Variants in FNTB observed in about 807,000 individuals in gnomAD.
The protein encoded by FNTB is farnesyltransferase, CAAX box, subunit beta, also known as protein farnesyltransferase subunit beta.
FNTB carries 27 observed loss-of-function variants against 59.4 expected under a neutral mutation model. The observed-to-expected ratio is 0.45, with a 90% confidence interval of 0.34 to 0.63. The LOEUF (loss-of-function observed/expected upper bound fraction) is 0.63. Ranked by LOEUF, FNTB falls within the 20% of genes least tolerant of loss-of-function variation. The pLI is 0.02. For missense variants in FNTB, 449 were observed against 559.6 expected (o/e 0.80, Z 1.99); for synonymous variants, 230 against 220.7 (o/e 1.04, Z -0.37).
intron 4 of FNTB, chr14:65,022,227 A>G: frequency 5.4e-6 from 2 of 367,070 alleles, no homozygotes; most frequent in East Asian, 1.5e-4. Context: ...ATCCCCTCCT[A>G]AGCCGTTCTG....
In FNTB at chr14:65,027,736, C is replaced by T. The variant is rs370588586; in HGVS notation, c.560C>T (p.Pro187Leu). ...LLQYLYSLKQ[P>L]DGSFLMHVGG... ...CAGTATTTGTACTCCCTGAAGCAACCTGACGGCTCCTTTCTCATGCATGTC... is the reference window on the plus strand; with the variant it reads ...CAGTATTTGTACTCCCTGAAGCAACTTGACGGCTCCTTTCTCATGCATGTC... The change falls in exon 6 of 12, where the codon CCT becomes CTT. Residue 187 changes from proline to leucine, a missense_variant. Physicochemically the swap from Pro to Leu is moderately conservative, Grantham distance 98. Transcript: ENST00000246166. This position sits in a 1 kb window ranked among gnomAD's most constrained non-coding sequence, Gnocchi z 5.7. 3.1e-6 allele frequency: 5 copies of T among 1,614,194 alleles called. No homozygotes were observed. The highest frequency in any genetic ancestry group is 4.2e-6 in the Non-Finnish European group (5 of 1,180,040).
chr14:65,057,753 ATGT>A (rs1329774145), intron 11 of FNTB, among the ~76,000 whole-genome samples: 1 of 152,208 alleles, frequency 6.6e-6, no homozygotes, highest in Non-Finnish European at 1.5e-5. Context: ...CTTGGATATA[ATGT>A]TATCTTTTTT....
Position 65,023,288 on chromosome 14 carries a change from A to T in FNTB, c.375-4165A>T, listed in dbSNP as rs1198271371. On this transcript the variant is annotated intron_variant, in intron 4 of 11. Coordinates refer to ENST00000246166, the MANE Select transcript of FNTB (RefSeq NM_002028.4). This position sits in a 1 kb window ranked among gnomAD's most constrained non-coding sequence, Gnocchi z 4.1. Reference sequence around the variant, plus strand: ...TGCCCAGGCTGGCCTTGAACTCCTGAGCTCAAGTGATCCCCCTCACCTCAG... The same window carrying T: ...TGCCCAGGCTGGCCTTGAACTCCTGTGCTCAAGTGATCCCCCTCACCTCAG... Among the ~76,000 whole-genome samples, 1 of 152,056 alleles carries T rather than the reference A, an allele frequency of 6.6e-6. No individual in the cohort carries two copies. Among genetic ancestry groups the T allele is most frequent in the East Asian group, 1.9e-4 (1 of 5,188 alleles).
At chr14:65,037,597 TA>T (rs1266278819) in intron 7 of FNTB, among the ~76,000 whole-genome samples, 5 of 149,180 alleles carry the variant, frequency 3.4e-5, no homozygotes, top group Admixed American at 2.0e-4. Flanking sequence ...GCTAATTTTT[TA>T]AATTTTTGTA....
rs1888265122 is a variant in FNTB at position 64,993,079 on chromosome 14, T to C, written c.144+5982T>C. On this transcript the variant is annotated intron_variant, in intron 1 of 11. Coordinates refer to ENST00000246166, the MANE Select transcript of FNTB (RefSeq NM_002028.4). ...CCCGAACTCGAGCTATCCGCCCACC[T>C]TGGACTCCCAAAGTACAGGCATGAG... Among the ~76,000 whole-genome samples, 4 of 152,196 alleles carry C rather than the reference T, an allele frequency of 2.6e-5. No individual in the cohort carries two copies. In the South Asian group the frequency reaches 8.3e-4, roughly 32 times the overall value.
At chr14:65,053,683 C>T (rs1418060414) in intron 10 of FNTB, among the ~76,000 whole-genome samples, 2 of 151,668 alleles carry the variant, frequency 1.3e-5, no homozygotes, top group African/African-American at 2.4e-5. Flanking sequence ...TTTAAAACCC[C>T]TCAGTGTTGT....
At chr14:65,033,449 TAAC>T (rs2062124951) in intron 7 of FNTB, among the ~76,000 whole-genome samples, 1 of 152,242 alleles carries the variant, frequency 6.6e-6, no homozygotes, top group African/African-American at 2.4e-5. Flanking sequence ...CTGTAATAGT[TAAC>T]AACAACAAAG....
At chr14:64,989,379 A>C (rs1360154146) in intron 1 of FNTB, among the ~76,000 whole-genome samples, 3 of 151,720 alleles carry the variant, frequency 2.0e-5, no homozygotes, top group African/African-American at 7.3e-5. Context: ...TCAGAAGTTC[A>C]CAGATGAGCC....
chr14:65,020,963 C>T (rs1205927667), intron 4 of FNTB, among the ~76,000 whole-genome samples: 1 of 152,098 alleles, frequency 6.6e-6, no homozygotes, highest in Non-Finnish European at 1.5e-5. Context: ...CTCCTGACCT[C>T]AGGTGATACA....
chr14:65,061,152 T>G (rs751020064), intron 11 of FNTB, 29 bp from the exon 12 acceptor site: 2 of 1,612,926 alleles, frequency 1.2e-6, no homozygotes, highest in South Asian at 2.2e-5. Flanking sequence ...ACCGGGGTGA[T>G]TAACTGGCAC....
chr14:65,058,882 T>C (rs987322856), intron 11 of FNTB, among the ~76,000 whole-genome samples: 8 of 152,344 alleles, frequency 5.3e-5, no homozygotes, highest in Middle Eastern at 3.4e-3. Context: ...CTAGTACTTT[T>C]ATTTAGGATT....
rs138149266 is a variant in FNTB, at chr14:65,040,820, G to A, written c.723G>A (p.Gly241=). The A allele has an allele frequency of 5.6e-6, 9 of 1,613,532 alleles. No individual in the cohort carries two copies. Residue 241 remains glycine, a synonymous_variant, in exon 8 of 12, where the codon GGG becomes GGA. Transcript: ENST00000246166. ...RCQNWEGGIG[G]VPGMEAHGGY... is the part of the protein sequence containing the mutation. ...AGAACTGGGAAGGTGGCATTGGCGG[G>A]GTACCAGGGATGGAAGCCCATGGTG...
rs191179530 is a variant in FNTB at position 65,001,208 on chromosome 14, G to A, written c.145-3041G>A. ...TCTAGAGATGATTTAAAATACAGGCGTGCACTATATAACAATCAACAGACT... is the reference window on the plus strand; with the variant it reads ...TCTAGAGATGATTTAAAATACAGGCATGCACTATATAACAATCAACAGACT... On this transcript the variant is annotated intron_variant, in intron 1 of 11. Transcript: ENST00000246166. This position sits in a 1 kb window ranked among gnomAD's most constrained non-coding sequence, Gnocchi z 5.5. Among the ~76,000 whole-genome samples the A allele has an allele frequency of 1.1e-4, 16 of 152,244 alleles. No homozygotes were observed. The highest frequency in any genetic ancestry group is 2.2e-4 in the African/African-American group (9 of 41,534).
At chr14:64,998,313 T>G (rs1390402355) in intron 1 of FNTB, among the ~76,000 whole-genome samples, 1 of 152,206 alleles carries the variant, frequency 6.6e-6, no homozygotes, top group African/African-American at 2.4e-5. Flanking sequence ...TTGGGAATAG[T>G]GTATTGCAGT....
rs1184961445 is a variant in FNTB, at chr14:65,029,174, TAC to T, written c.605+1395_605+1396del. ...GCCATTCGTGCCCGTGCTTTCTATT[TAC>T]ATAAAGGATTAAAGATATGAATGAT... On this transcript the variant is annotated intron_variant, in intron 6 of 11. Coordinates refer to ENST00000246166, the MANE Select transcript of FNTB (RefSeq NM_002028.4). The surrounding 1 kb of genome is among the most constrained non-coding windows in gnomAD (Gnocchi z 4.7). Among the ~76,000 whole-genome samples, 2 of 152,232 alleles carry T rather than the reference TAC, an allele frequency of 1.3e-5. No individual in the cohort carries two copies. Among genetic ancestry groups the T allele is most frequent in the Non-Finnish European group, 2.9e-5 (2 of 68,032 alleles).
chr14:64,999,393 G>A (rs1211079067), intron 1 of FNTB, among the ~76,000 whole-genome samples: 2 of 152,170 alleles, frequency 1.3e-5, no homozygotes, highest in Non-Finnish European at 1.5e-5. Flanking sequence ...AGCCAAGATC[G>A]CAGCACTGCA....
In FNTB at chr14:64,990,330, G is replaced by A. The variant is rs1888145899; in HGVS notation, c.144+3233G>A. On this transcript the variant is annotated intron_variant, in intron 1 of 11. Coordinates refer to ENST00000246166, the MANE Select transcript of FNTB (RefSeq NM_002028.4). This position sits in a 1 kb window ranked among gnomAD's most constrained non-coding sequence, Gnocchi z 5.2. Reference sequence around the variant, plus strand: ...GCACTGACAGGTTGCCTTGCTTTATGGCTGCGGGCCATGGGAAGTATTGCT... The same window carrying A: ...GCACTGACAGGTTGCCTTGCTTTATAGCTGCGGGCCATGGGAAGTATTGCT... 6.6e-6 allele frequency among the ~76,000 whole-genome samples: 1 copy of A among 152,154 alleles called. No homozygotes were observed.
rs1368076512 is a variant in FNTB, at chr14:65,030,525, G to A, written c.606-2085G>A. Among the ~76,000 whole-genome samples, 3 of 152,116 alleles carry A rather than the reference G, an allele frequency of 2.0e-5. No individual in the cohort carries two copies. The highest frequency in any genetic ancestry group is 7.2e-5 in the African/African-American group (3 of 41,422). On this transcript the variant is annotated intron_variant, in intron 6 of 11. Coordinates refer to ENST00000246166, the MANE Select transcript of FNTB (RefSeq NM_002028.4). This position sits in a 1 kb window ranked among gnomAD's most constrained non-coding sequence, Gnocchi z 4.5. Reference sequence around the variant, plus strand: ...AGACTGAGATGAGAGAATCACTTGAGGCCAGGAGTTCAAGACCAACCTGGG... The same window carrying A: ...AGACTGAGATGAGAGAATCACTTGAAGCCAGGAGTTCAAGACCAACCTGGG...
intron 1 of FNTB, 103 bp downstream of exon 1, chr14:64,987,200 C>A: frequency 7.4e-7 from 1 of 1,357,628 alleles, no homozygotes; most frequent in Non-Finnish European, 1.0e-6. Flanking sequence ...GGAACTACGA[C>A]TCCCACAGCG....
Sources: gnomAD v4.1 joint callset for allele counts (sites outside exome capture counted in the v4.1 genomes callset) on GRCh38, gnomAD v4.1.1 for gene constraint, Gnocchi (gnomAD v3.1) non-coding constraint, MANE v1.5 for transcripts, NCBI Gene and HGNC (gene_info 2026-07-23, HGNC 2026-07-21) for gene names.